CAP1: variants seen among roughly 807,000 people sequenced by gnomAD.
CAP1 encodes the protein adenylyl cyclase-associated protein 1.
In CAP1, 11 loss-of-function variants were observed where a neutral mutation model predicts 58.2. That is an observed-to-expected ratio of 0.19 (90% CI 0.12 to 0.31). The LOEUF is 0.31. CAP1 is among the 10% of genes least tolerant of loss of function. The pLI, the probability that CAP1 is intolerant of heterozygous loss-of-function variation, is 1.00. For synonymous variants in CAP1, 183 were observed against 213.8 expected, an observed-to-expected ratio of 0.86 and a Z score of 1.26; for missense variants, 423 against 587.5, an observed-to-expected ratio of 0.72 and a Z score of 2.89.
At chr1:40,051,596 G>A (rs542505519) in intron 1 of CAP1, among the ~76,000 whole-genome samples, 2 of 152,194 alleles carry the variant, frequency 1.3e-5, no homozygotes, top group Non-Finnish European at 2.9e-5. Flanking sequence ...TGTTTTTTGA[G>A]ATGGAGTCTC....
In CAP1 at chr1:40,059,464, C is replaced by CACTG. The variant is rs1230506706; in HGVS notation, c.112+7_112+8insCTGA. ...TGCAGACAGTCCTTCAAAAGGTAAG[C>CACTG]AGTCCACAGCCCAGCAGAATGCTTT... On this transcript the variant is annotated splice_region_variant and intron_variant, in intron 2 of 12. Transcript: ENST00000372805. 6.6e-7 allele frequency: 1 copy of CACTG among 1,510,920 alleles called. No individual in the cohort carries two copies. Among genetic ancestry groups the CACTG allele is most frequent in the Non-Finnish European group, 9.2e-7 (1 of 1,086,252 alleles). 93.6% of individuals were successfully genotyped at this position (1,510,920 alleles called of 1,614,324 possible). A position where few individuals can be genotyped will look rare whatever the true frequency, so the allele number is the denominator to read the frequency against.
At chr1:40,053,595 G>A (rs1215226587) in intron 1 of CAP1, among the ~76,000 whole-genome samples, 3 of 152,058 alleles carry the variant, frequency 2.0e-5, no homozygotes, top group Non-Finnish European at 2.9e-5. Context: ...TTACAGGCAT[G>A]CACCGCTACT....
chr1:40,061,891 A>C, intron 4 of CAP1, 79 bp downstream of exon 4: 1 of 1,086,648 alleles, frequency 9.2e-7, no homozygotes, highest in African/African-American at 1.5e-5. Flanking sequence ...CTATTATAAC[A>C]TTTTAAAATA....
rs760336742 is a variant in CAP1 at position 40,071,769 on chromosome 1, C to T, written c.*236C>T. On this transcript the variant is annotated 3_prime_UTR_variant, in exon 13 of 13. Coordinates refer to ENST00000372805, the MANE Select transcript of CAP1 (RefSeq NM_006367.4). ...CTTTTCCATATCAGCTCAACCACGC[C>T]GCCAGTCCATTCTTAAGGAACTGCC... 19 of 547,962 alleles carry T rather than the reference C, an allele frequency of 3.5e-5. No individual in the cohort carries two copies. The highest frequency in any genetic ancestry group is 1.7e-4 in the Admixed American group (5 of 29,576). 33.9% of individuals were successfully genotyped at this position (547,962 alleles called of 1,614,324 possible). A position where few individuals can be genotyped will look rare whatever the true frequency, so the allele number is the denominator to read the frequency against.
chr1:40,071,674 C>T lies in CAP1; in HGVS notation c.*141C>T, dbSNP rs1648063339. 1 of 604,650 alleles carries T rather than the reference C, an allele frequency of 1.7e-6. No individual in the cohort carries two copies. Among genetic ancestry groups the T allele is most frequent in the Non-Finnish European group, 3.0e-6 (1 of 337,770 alleles). The allele number at this position is 604,650 out of a possible 1,614,324, so 37.5% of individuals were successfully genotyped here. A position where few individuals can be genotyped will look rare whatever the true frequency, so the allele number is the denominator to read the frequency against. On this transcript the variant is annotated 3_prime_UTR_variant, in exon 13 of 13. Coordinates refer to ENST00000372805, the MANE Select transcript of CAP1 (RefSeq NM_006367.4). ...TGAGAAGCACAGCTACCTGCCTTCA[C>T]TGAAATATACCTCAGGCTGAAATTT... is the stretch of plus-strand genomic sequence containing the variant.
intron 1 of CAP1, among the ~76,000 whole-genome samples, chr1:40,046,486 AAAAC>A (rs940647882): frequency 3.9e-5 from 6 of 152,168 alleles, no homozygotes; most frequent in South Asian, 2.1e-4. Context: ...AAAACAAAAA[AAAAC>A]AAACAAACAC....
rs201284624 is a variant in CAP1, at chr1:40,070,519, C to G, written c.1200+7C>G. 2.5e-6 allele frequency: 4 copies of G among 1,608,596 alleles called. No individual in the cohort carries two copies. In the South Asian group the frequency reaches 4.4e-5, roughly 18 times the overall value. ...TAAGGATGTCAAAGTTCAGGTAACT[C>G]GATATTTTGGCTCCTTCTTTTTGTC... On this transcript the variant is annotated splice_region_variant and intron_variant, in intron 11 of 12. Transcript: ENST00000372805.
intron 12 of CAP1, 152 bp from the exon 13 acceptor site, chr1:40,071,298 G>C: frequency 3.2e-6 from 2 of 630,080 alleles, no homozygotes; most frequent in East Asian, 2.7e-5. Context: ...CTGAACACTA[G>C]AACATAGCAT....
rs746531952 is a variant in CAP1, at chr1:40,070,865, C to G, written c.1230C>G (p.Ile410Met). The stretch of plus-strand genomic sequence containing the variant: ...TGGGTAAAGTGCCAACCATATCCAT[C>G]AACAAAACAGATGGCTGCCATGCTT... Reference protein sequence around the residue: ...QVMGKVPTISINKTDGCHAYL... With the variant: ...QVMGKVPTISMNKTDGCHAYL... The change falls in exon 12 of 13, where the codon ATC becomes ATG. Residue 410 changes from isoleucine (I) to methionine (M), a missense_variant. By Grantham distance (10) the Ile-to-Met change is conservative. Coordinates refer to ENST00000372805, the MANE Select transcript of CAP1 (RefSeq NM_006367.4). The G allele has an allele frequency of 3.7e-6, 6 of 1,613,180 alleles. No homozygotes were observed. In the South Asian group the frequency reaches 6.6e-5, roughly 18 times the overall value.
intron 1 of CAP1, among the ~76,000 whole-genome samples, chr1:40,045,640 C>T (rs541432102): frequency 2.4e-4 from 36 of 152,286 alleles, no homozygotes; most frequent in African/African-American, 8.7e-4. Flanking sequence ...ACTGCAACCT[C>T]CCCCTCCCGG....
rs113112912 is a variant in CAP1, at chr1:40,067,772, C to G, written c.808+55C>G. 2,092 of 1,312,644 alleles carry G rather than the reference C, an allele frequency of 1.6e-3. 20 individuals carry two copies. In the African/African-American group the frequency reaches 0.028, roughly 17 times the overall value. 81.3% of individuals were successfully genotyped at this position (1,312,644 alleles called of 1,614,324 possible). Reference sequence around the variant, plus strand: ...GTACAACAAGTTGTGTGGGCCAGACCCCACCAACCAGAACCGTCTGTAAAC... The same window carrying G: ...GTACAACAAGTTGTGTGGGCCAGACGCCACCAACCAGAACCGTCTGTAAAC... On this transcript the variant is annotated intron_variant, in intron 8 of 12. Transcript: ENST00000372805.
intron 4 of CAP1, among the ~76,000 whole-genome samples, chr1:40,062,732 T>C (rs993040942): frequency 5.3e-5 from 8 of 151,292 alleles, no homozygotes; most frequent in African/African-American, 1.9e-4. Flanking sequence ...ACCACTGCAC[T>C]CCAGCCTGGG....
At chr1:40,048,788 T>G (rs147731054) in intron 1 of CAP1, among the ~76,000 whole-genome samples, 10 of 152,346 alleles carry the variant, frequency 6.6e-5, no homozygotes, top group African/African-American at 2.4e-4. Flanking sequence ...CTTATCACTT[T>G]TCTCACATTA....
intron 8 of CAP1, among the ~76,000 whole-genome samples, chr1:40,068,425 C>T (rs931808166): frequency 8.6e-5 from 13 of 151,790 alleles, no homozygotes; most frequent in Non-Finnish European, 1.5e-5. Context: ...CATGCGTCAC[C>T]ATGCCTGGCT....
chr1:40,066,256 T>C lies in CAP1; in HGVS notation c.566T>C (p.Ile189Thr). ...GACTGGGTCAAAGCTTATTTAAGTA[T>C]ATGGACAGAGCTGCAGGCTTACATT... is the stretch of plus-strand genomic sequence containing the variant. ...HVDWVKAYLS[I>T]WTELQAYIKE... Residue 189 changes from isoleucine (I) to threonine (T), a missense_variant, in exon 7 of 13, where the codon ATA (isoleucine) becomes ACA (threonine). Physicochemically the swap from Ile to Thr is moderately conservative, Grantham distance 89. Coordinates refer to ENST00000372805, the MANE Select transcript of CAP1 (RefSeq NM_006367.4). 6.2e-7 allele frequency: 1 copy of C among 1,611,752 alleles called. No individual in the cohort carries two copies. Among genetic ancestry groups the C allele is most frequent in the Non-Finnish European group, 8.5e-7 (1 of 1,178,564 alleles).
intron 10 of CAP1, 37 bp from the exon 11 acceptor site, chr1:40,070,393 A>G: frequency 6.9e-7 from 1 of 1,457,032 alleles, no homozygotes. Context: ...ACTTTCCTTT[A>G]AAGTTACACG....
intron 1 of CAP1, among the ~76,000 whole-genome samples, chr1:40,056,733 G>A (rs1646633225): frequency 6.6e-6 from 1 of 152,084 alleles, no homozygotes; most frequent in Admixed American, 6.6e-5. Flanking sequence ...GGTAGTCAGA[G>A]GCTTTAGGAG....
Position 40,064,543 on chromosome 1 carries a change from A to G in CAP1, c.508A>G (p.Lys170Glu), listed in dbSNP as rs1197576100. The G allele has an allele frequency of 2.5e-6, 4 of 1,612,450 alleles. No individual in the cohort carries two copies. Among genetic ancestry groups the G allele is most frequent in the Non-Finnish European group, 3.4e-6 (4 of 1,179,022 alleles). The stretch of plus-strand genomic sequence containing the variant: ...CATGTTTTATACAAACCGAGTCCTC[A>G]AAGAGTACAAAGATGTGTAAGTTCA... ...AAMFYTNRVL[K>E]EYKDVDKKHV... Residue 170 changes from lysine (K) to glutamate (E), a missense_variant, in exon 6 of 13, where the codon AAA (lysine) becomes GAA (glutamate). Lys to Glu is a moderately conservative substitution (Grantham distance 56, BLOSUM62 1). Transcript: ENST00000372805.
intron 1 of CAP1, among the ~76,000 whole-genome samples, chr1:40,054,396 G>A (rs1291233148): frequency 6.6e-6 from 1 of 151,982 alleles, no homozygotes; most frequent in African/African-American, 2.4e-5. Context: ...AGCTGGTCTC[G>A]AACTCCTGAG....
Sources: allele counts gnomAD v4.1 joint callset (sites outside exome capture counted in the v4.1 genomes callset), GRCh38; gene constraint gnomAD v4.1.1; transcripts MANE v1.5; gene names NCBI Gene and HGNC (gene_info 2026-07-23, HGNC 2026-07-21).